The following RCAN1 variants were observed in gnomAD, a reference collection of about 807,000 sequenced individuals.
RCAN1 encodes the protein calcipressin-1.
A neutral mutation model predicts 22.9 loss-of-function variants in RCAN1; 11 were observed. The ratio of observed to expected loss-of-function variants is 0.48; its 90% CI spans 0.30 to 0.79. The LOEUF (loss-of-function observed/expected upper bound fraction) is 0.79. Among genes scored for constraint, RCAN1 ranks in the 30% least tolerant of loss-of-function variants. RCAN1 has a pLI of 0.06. For missense variants in RCAN1, 291 were observed against 337.8 expected, an observed-to-expected ratio of 0.86 and a Z score of 1.09; for synonymous variants, 136 against 142.3, an observed-to-expected ratio of 0.96 and a Z score of 0.32.
chr21:34,602,619 AC>A (rs1179652982), intron 1 of RCAN1, among the ~76,000 whole-genome samples: 1 of 152,188 alleles, frequency 6.6e-6, no homozygotes, highest in African/African-American at 2.4e-5. Context: ...GGGAAGCTGT[AC>A]AAATTCCCCA....
intron 1 of RCAN1, among the ~76,000 whole-genome samples, chr21:34,577,843 G>T (rs190437255): frequency 6.2e-4 from 94 of 152,272 alleles, no homozygotes; most frequent in Non-Finnish European, 1.1e-3. Context: ...GAGAGGGAAG[G>T]TGCCAACAAT....
At position 34,567,266 on chromosome 21, in the gene RCAN1, C is replaced by T. The variant is rs547571130; in HGVS notation, c.253-43556G>A. Among the ~76,000 whole-genome samples the T allele has an allele frequency of 3.3e-5, 5 of 152,234 alleles. No individual in the cohort carries two copies. In the South Asian group the frequency reaches 6.2e-4, roughly 19 times the overall value. Reference sequence around the variant, plus strand: ...ATCCCAGCACTTTGGGAGGCCAAGGCGGGAGGATCAGGAGGTCAGGAGAAT... The same window carrying T: ...ATCCCAGCACTTTGGGAGGCCAAGGTGGGAGGATCAGGAGGTCAGGAGAAT... On this transcript the variant is annotated intron_variant, in intron 1 of 3. Transcript: ENST00000313806.
At position 34,590,934 on chromosome 21, in the gene RCAN1, TTA is replaced by T. The variant is rs150513179; in HGVS notation, c.252+23824_252+23825del. ...AGAAATCCTGGGGCACAGCAATATTTTATGTCTTCATCTGGGAGGTCCTAAGA... is the reference window on the plus strand; with the variant it reads ...AGAAATCCTGGGGCACAGCAATATTTTGTCTTCATCTGGGAGGTCCTAAGA... On this transcript the variant is annotated intron_variant, in intron 1 of 3. Transcript: ENST00000313806. Among the ~76,000 whole-genome samples the T allele has an allele frequency of 2.8e-3, 428 of 152,296 alleles. 2 individuals are homozygous for T. Among genetic ancestry groups the T allele is most frequent in the African/African-American group, 9.7e-3 (404 of 41,556 alleles).
intron 3 of RCAN1, among the ~76,000 whole-genome samples, chr21:34,520,230 G>A (rs2123565373): frequency 6.6e-6 from 1 of 152,240 alleles, no homozygotes; most frequent in Admixed American, 6.5e-5. Flanking sequence ...TGAAGGAAGT[G>A]GTATATTCTG....
chr21:34,526,545 T>C (rs1985066226), intron 1 of RCAN1: 2 of 1,025,932 alleles, frequency 1.9e-6, no homozygotes, highest in Admixed American at 7.3e-5. Context: ...ACTTTGGATT[T>C]CTTTCAAAAC....
At chr21:34,543,001 A>C (rs1295577553) in intron 1 of RCAN1, among the ~76,000 whole-genome samples, 1 of 152,238 alleles carries the variant, frequency 6.6e-6, no homozygotes, top group Non-Finnish European at 1.5e-5. Flanking sequence ...CATGTGCTTC[A>C]GATTCTTCAT....
chr21:34,536,729 G>A (rs74678775), intron 1 of RCAN1, among the ~76,000 whole-genome samples: 2,667 of 152,274 alleles, frequency 0.018, 79 homozygotes, highest in African/African-American at 0.061. Context: ...GAGGGTCATG[G>A]AGGGAAGGGG....
At chr21:34,539,607 A>G (rs2123621353) in intron 1 of RCAN1, among the ~76,000 whole-genome samples, 1 of 152,348 alleles carries the variant, frequency 6.6e-6, no homozygotes, top group East Asian at 1.9e-4. Flanking sequence ...GCTATATATC[A>G]ATGGTCAAGG....
At chr21:34,521,237 T>A in intron 3 of RCAN1, 2 of 1,428,582 alleles carry the variant, frequency 1.4e-6, no homozygotes, top group Non-Finnish European at 1.8e-6. Flanking sequence ...CAGGAATGGA[T>A]TCCTGGGACA....
intron 1 of RCAN1, among the ~76,000 whole-genome samples, chr21:34,585,717 TG>T (rs1987768022): frequency 8.6e-6 from 1 of 116,902 alleles, no homozygotes; most frequent in Admixed American, 1.3e-4. Flanking sequence ...CACTCCAGCC[TG>T]GGTGACAGAG....
chr21:34,517,782 G>C lies in RCAN1; in HGVS notation c.*302C>G, dbSNP rs1984149549. ...CCCTTGGCACAGACAGAACCTACCA[G>C]AAAAGAACAAGTACAAAACACTATC... On this transcript the variant is annotated 3_prime_UTR_variant, in exon 4 of 4. Transcript: ENST00000313806. 8.8e-6 allele frequency: 3 copies of C among 339,698 alleles called. No homozygotes were observed. The East Asian group carries it at 1.8e-4, about 21-fold the overall frequency. 21.0% of individuals were successfully genotyped at this position (339,698 alleles called of 1,614,324 possible).
At position 34,518,219 on chromosome 21, in the gene RCAN1, A is replaced by C; in HGVS notation, c.624T>G (p.Thr208=). The change falls in exon 4 of 4, where the codon ACT becomes ACG. Residue 208 remains threonine (T), a synonymous_variant. Coordinates refer to ENST00000313806, the MANE Select transcript of RCAN1 (RefSeq NM_004414.7). The surrounding 1 kb of genome is among the most constrained non-coding windows in gnomAD (Gnocchi z 4.2). Reference sequence around the variant, plus strand: ...CACATACATGGACCACCACGCTGGGAGTGGTGTCAGTCGCTGCGTGCAATT... The same window carrying C: ...CACATACATGGACCACCACGCTGGGCGTGGTGTCAGTCGCTGCGTGCAATT... ...KYELHAATDT[T]PSVVVHVCES... 6.2e-7 allele frequency: 1 copy of C among 1,613,982 alleles called. No homozygotes were observed. Among genetic ancestry groups the C allele is most frequent in the Non-Finnish European group, 8.5e-7 (1 of 1,179,994 alleles).
chr21:34,565,836 C>G (rs983133070), intron 1 of RCAN1, among the ~76,000 whole-genome samples: 3 of 152,216 alleles, frequency 2.0e-5, no homozygotes, highest in African/African-American at 7.2e-5. Context: ...ATACACTTCA[C>G]AGTATCTCTT....
chr21:34,534,588 G>C (rs1467370848), intron 1 of RCAN1, among the ~76,000 whole-genome samples: 1 of 152,136 alleles, frequency 6.6e-6, no homozygotes, highest in Non-Finnish European at 1.5e-5. Context: ...GCACCAGTGG[G>C]GGCTCATCTG....
intron 1 of RCAN1, among the ~76,000 whole-genome samples, chr21:34,531,177 G>A (rs1188524076): frequency 6.6e-6 from 1 of 152,222 alleles, no homozygotes; most frequent in Non-Finnish European, 1.5e-5. Flanking sequence ...TGAAACACAG[G>A]TGGCGGCTAA....
chr21:34,580,331 A>G (rs1987561429), intron 1 of RCAN1, among the ~76,000 whole-genome samples: 1 of 152,202 alleles, frequency 6.6e-6, no homozygotes, highest in African/African-American at 2.4e-5. Context: ...GTCAGCGCAA[A>G]TGGAAAGAAT....
chr21:34,588,834 A>G (rs1026695291), intron 1 of RCAN1, among the ~76,000 whole-genome samples: 5 of 152,248 alleles, frequency 3.3e-5, no homozygotes, highest in Non-Finnish European at 7.3e-5. Flanking sequence ...ATACAGTAGA[A>G]TATTATTCAA....
chr21:34,517,797 A>C lies in RCAN1; in HGVS notation c.*287T>G. 2.4e-6 allele frequency: 1 copy of C among 419,196 alleles called. No homozygotes were observed. The highest frequency in any genetic ancestry group is 4.3e-6 in the Non-Finnish European group (1 of 231,258). 26.0% of individuals were successfully genotyped at this position (419,196 alleles called of 1,614,324 possible). On this transcript the variant is annotated 3_prime_UTR_variant, in exon 4 of 4. Transcript: ENST00000313806. The stretch of plus-strand genomic sequence containing the variant: ...GAACCTACCAGAAAAGAACAAGTAC[A>C]AAACACTATCATTATCTGTTTTCTC...
chr21:34,565,169 A>T (rs571181162), intron 1 of RCAN1, among the ~76,000 whole-genome samples: 151 of 152,388 alleles, frequency 9.9e-4, no homozygotes, highest in African/African-American at 3.6e-3. Flanking sequence ...ACTGCAATCT[A>T]GCCTGGGCAA....
Sources: allele counts gnomAD v4.1 joint callset (sites outside exome capture counted in the v4.1 genomes callset), GRCh38; gene constraint gnomAD v4.1.1; non-coding constraint Gnocchi (gnomAD v3.1); transcripts MANE v1.5; gene names NCBI Gene and HGNC (gene_info 2026-07-23, HGNC 2026-07-21).